The following QTMAN variants were observed in gnomAD, a reference collection of about 807,000 sequenced individuals.
QTMAN encodes the protein queuosine-tRNA mannosyltransferase.
At chr2:144,233,790 T>G in the QTMAN span, among the ~76,000 whole-genome samples, 1 of 152,140 alleles carries the variant, frequency 6.6e-6, no homozygotes, top group Non-Finnish European at 1.5e-5. Flanking sequence ...TGCCGAAGAA[T>G]GCATTAACTG....
chr2:144,271,659 A>G, the QTMAN span, among the ~76,000 whole-genome samples: 1 of 152,142 alleles, frequency 6.6e-6, no homozygotes, highest in East Asian at 1.9e-4. Flanking sequence ...TTTAAAAAAC[A>G]TTTCAGTACC....
the QTMAN span, among the ~76,000 whole-genome samples, chr2:144,123,975 A>G: frequency 6.6e-6 from 1 of 152,124 alleles, no homozygotes; most frequent in Non-Finnish European, 1.5e-5. Context: ...AATTCCCTCT[A>G]AACAAACTAA....
At chr2:144,167,813 G>A in the QTMAN span, among the ~76,000 whole-genome samples, 1 of 152,000 alleles carries the variant, frequency 6.6e-6, no homozygotes, top group African/African-American at 2.4e-5. Context: ...ACTAATATTG[G>A]ACAAATTCAT....
At chr2:143,971,742 ATAGT>A in the QTMAN span, among the ~76,000 whole-genome samples, 1 of 148,812 alleles carries the variant, frequency 6.7e-6, no homozygotes, top group Non-Finnish European at 1.5e-5. Flanking sequence ...TTATGAAAAA[ATAGT>A]TATATATCAG....
the QTMAN span, among the ~76,000 whole-genome samples, chr2:144,083,898 TCATAAG>T: frequency 6.6e-6 from 1 of 152,160 alleles, no homozygotes; most frequent in African/African-American, 2.4e-5. Flanking sequence ...AACACAAAAC[TCATAAG>T]CATATTTTTC....
At chr2:144,330,429 C>T in the QTMAN span, among the ~76,000 whole-genome samples, 1 of 152,190 alleles carries the variant, frequency 6.6e-6, no homozygotes, top group Non-Finnish European at 1.5e-5. Flanking sequence ...TTAAATGACA[C>T]ATGACTAAAC....
chr2:144,308,952 T>C, the QTMAN span, among the ~76,000 whole-genome samples: 1 of 152,224 alleles, frequency 6.6e-6, no homozygotes, highest in Non-Finnish European at 1.5e-5. Flanking sequence ...CGTTTTTTAA[T>C]GGACAAAAGA....
At chr2:143,979,171 A>T in the QTMAN span, among the ~76,000 whole-genome samples, 4 of 152,108 alleles carry the variant, frequency 2.6e-5, no homozygotes. Flanking sequence ...AAAAAAAAAA[A>T]CAAAACCCTC....
the QTMAN span, among the ~76,000 whole-genome samples, chr2:144,057,841 T>G: frequency 1.3e-5 from 2 of 152,046 alleles, no homozygotes; most frequent in African/African-American, 4.8e-5. Context: ...TTTAGAAAGA[T>G]CTTTTCTTTT....
the QTMAN span, among the ~76,000 whole-genome samples, chr2:144,240,884 T>C: frequency 6.6e-6 from 1 of 152,122 alleles, no homozygotes; most frequent in East Asian, 1.9e-4. Flanking sequence ...TAATACCCAG[T>C]TCTAAGAAAA....
At chr2:144,262,061 G>A in the QTMAN span, among the ~76,000 whole-genome samples, 26 of 152,156 alleles carry the variant, frequency 1.7e-4, no homozygotes, top group African/African-American at 6.0e-4. Flanking sequence ...GAAGAAACAC[G>A]TGGGCTTATA....
At chr2:144,212,917 G>A in the QTMAN span, among the ~76,000 whole-genome samples, 1 of 152,258 alleles carries the variant, frequency 6.6e-6, no homozygotes, top group African/African-American at 2.4e-5. Flanking sequence ...AGTGATAGCT[G>A]TGACATAGAA....
the QTMAN span, among the ~76,000 whole-genome samples, chr2:144,276,140 G>A: frequency 1.3e-5 from 2 of 151,946 alleles, no homozygotes; most frequent in Non-Finnish European, 2.9e-5. Flanking sequence ...TTAGAGCACC[G>A]GTCTACAAAG....
chr2:144,263,082 T>C, the QTMAN span, among the ~76,000 whole-genome samples: 5 of 151,590 alleles, frequency 3.3e-5, no homozygotes, highest in Admixed American at 6.6e-5. Context: ...CATATCTCCA[T>C]AGTCGAGTTG....
chr2:144,109,666 C>T, the QTMAN span, among the ~76,000 whole-genome samples: 1 of 152,048 alleles, frequency 6.6e-6, no homozygotes, highest in East Asian at 1.9e-4. Context: ...GGGCTAATAT[C>T]CAGAATCTAC....
At chr2:144,114,051 A>G in the QTMAN span, among the ~76,000 whole-genome samples, 1 of 152,196 alleles carries the variant, frequency 6.6e-6, no homozygotes, top group Non-Finnish European at 1.5e-5. Context: ...TCCCAGACTT[A>G]GAAAATATGA....
the QTMAN span, among the ~76,000 whole-genome samples, chr2:144,234,643 T>C: frequency 6.6e-6 from 1 of 152,166 alleles, no homozygotes; most frequent in Non-Finnish European, 1.5e-5. Context: ...TTGAATCAGC[T>C]GTTAAAAGAA....
At chr2:144,113,056 AT>A in the QTMAN span, among the ~76,000 whole-genome samples, 1 of 152,308 alleles carries the variant, frequency 6.6e-6, no homozygotes, top group Middle Eastern at 3.4e-3. Context: ...AAATGTCCAG[AT>A]TTCAATAGAC....
chr2:144,000,271 A>C, the QTMAN span, among the ~76,000 whole-genome samples: 1 of 152,190 alleles, frequency 6.6e-6, no homozygotes, highest in Non-Finnish European at 1.5e-5. Flanking sequence ...ATTTGATTAT[A>C]ATTTTTCCCT....
Sources: allele counts gnomAD v4.1 joint callset (sites outside exome capture counted in the v4.1 genomes callset), GRCh38; gene constraint gnomAD v4.1.1; transcripts MANE v1.5; gene names NCBI Gene and HGNC (gene_info 2026-07-23, HGNC 2026-07-21).